Variants in UNC13C observed in about 807,000 individuals in gnomAD.
UNC13C encodes protein unc-13 homolog C.
Under a neutral mutation model 245.4 loss-of-function variants are expected in UNC13C, and 174 were observed. The observed-to-expected ratio is 0.71, with a 90% CI of 0.63 to 0.80. The LOEUF is 0.80. UNC13C is among the 30% of genes least tolerant of loss of function. UNC13C has a pLI of 0.00. For synonymous variants in UNC13C, 992 were observed against 895.1 expected (o/e 1.11, Z -1.93); for missense variants, 2,829 against 2,602.9 (o/e 1.09, Z -1.89).
intron 2 of UNC13C, among the ~76,000 whole-genome samples, chr15:54,112,189 C>T (rs979363820): frequency 4.6e-5 from 7 of 152,124 alleles, no homozygotes; most frequent in African/African-American, 1.7e-4. Context: ...GGGATAATAC[C>T]TGAGGTTCGT....
chr15:54,099,160 C>A (rs181605541), intron 2 of UNC13C, among the ~76,000 whole-genome samples: 1 of 152,214 alleles, frequency 6.6e-6, no homozygotes, highest in East Asian at 1.9e-4. Flanking sequence ...AGAGTAGAAC[C>A]AAAAGTGATA....
chr15:54,406,772 C>T (rs2040302610), intron 18 of UNC13C, among the ~76,000 whole-genome samples: 1 of 152,112 alleles, frequency 6.6e-6, no homozygotes, highest in Non-Finnish European at 1.5e-5. Context: ...CTTCTCTTTG[C>T]CCTTATCATT....
chr15:53,931,159 T>A, the UNC13C span, among the ~76,000 whole-genome samples: 14 of 152,034 alleles, frequency 9.2e-5, no homozygotes, highest in African/African-American at 2.9e-4. Flanking sequence ...TTATTTATTT[T>A]TATTTATTTA....
intron 17 of UNC13C, among the ~76,000 whole-genome samples, chr15:54,382,764 T>G (rs181343964): frequency 6.6e-6 from 1 of 152,126 alleles, no homozygotes; most frequent in Non-Finnish European, 1.5e-5. Context: ...AAAAGTTGGT[T>G]GTTCAAAGAG....
intron 17 of UNC13C, among the ~76,000 whole-genome samples, chr15:54,344,477 T>A (rs1399767696): frequency 1.3e-5 from 2 of 152,234 alleles, no homozygotes; most frequent in Non-Finnish European, 2.9e-5. Flanking sequence ...TTAGATTTTA[T>A]GCGAAATTTT....
At chr15:54,257,586 T>G (rs1026655306) in intron 8 of UNC13C, among the ~76,000 whole-genome samples, 1 of 152,184 alleles carries the variant, frequency 6.6e-6, no homozygotes, top group African/African-American at 2.4e-5. Flanking sequence ...AAGGTGGTAG[T>G]TCCTTGGGGA....
At chr15:53,906,879 G>A in the UNC13C span, among the ~76,000 whole-genome samples, 1 of 152,184 alleles carries the variant, frequency 6.6e-6, no homozygotes, top group Admixed American at 6.5e-5. Context: ...CAGGAGAGAA[G>A]AGTGAAGGAA....
At chr15:53,875,653 T>G in the UNC13C span, among the ~76,000 whole-genome samples, 2 of 152,152 alleles carry the variant, frequency 1.3e-5, no homozygotes, top group African/African-American at 4.8e-5. Flanking sequence ...AGCAGGGAAA[T>G]GGGGCCAGGT....
chr15:54,464,230 AG>A (rs1243793444), intron 19 of UNC13C, among the ~76,000 whole-genome samples: 1 of 152,122 alleles, frequency 6.6e-6, no homozygotes, highest in Non-Finnish European at 1.5e-5. Flanking sequence ...TAATTGATAC[AG>A]TTGAATCCAT....
intron 17 of UNC13C, among the ~76,000 whole-genome samples, chr15:54,390,542 T>C (rs1180844476): frequency 6.6e-6 from 1 of 152,104 alleles, no homozygotes; most frequent in Non-Finnish European, 1.5e-5. Context: ...ACTATAATTA[T>C]GATTGATTTA....
chr15:54,305,284 G>T, intron 13 of UNC13C, among the ~76,000 whole-genome samples: 1 of 151,968 alleles, frequency 6.6e-6, no homozygotes, highest in Admixed American at 6.6e-5. Flanking sequence ...GCTGATATAG[G>T]GGTCTATGTC....
At chr15:54,501,732 G>C (rs914706584) in intron 22 of UNC13C, among the ~76,000 whole-genome samples, 7 of 152,110 alleles carry the variant, frequency 4.6e-5, no homozygotes, top group Non-Finnish European at 8.8e-5. Flanking sequence ...AATCTGATGA[G>C]AGCCGAAATA....
chr15:54,408,199 C>CACAAAAAAAAAAAAAAAAAAA (rs2040342569), intron 18 of UNC13C, among the ~76,000 whole-genome samples: 1 of 29,130 alleles, frequency 3.4e-5, no homozygotes, highest in African/African-American at 8.8e-5. Flanking sequence ...GACTCTGCCT[C>CACAAAAAAAAAAAAAAAAAAA]AAAAAAAAAA....
the UNC13C span, among the ~76,000 whole-genome samples, chr15:53,972,406 T>G: frequency 3.9e-5 from 6 of 152,202 alleles, no homozygotes; most frequent in Non-Finnish European, 7.4e-5. Flanking sequence ...CCAATCATAT[T>G]AAATAAAGTG....
At chr15:54,252,529 G>T (rs7167199) in intron 8 of UNC13C, among the ~76,000 whole-genome samples, 4,016 of 152,144 alleles carry the variant, frequency 0.026, 156 homozygotes, top group African/African-American at 0.08. Flanking sequence ...TGATCAGAAA[G>T]AGGTCCTACA....
intron 30 of UNC13C, chr15:54,611,369 G>GA (rs1596672736): frequency 6.6e-6 from 1 of 151,832 alleles, no homozygotes. Flanking sequence ...GATGCAATCT[G>GA]AAAAAACACA....
intron 2 of UNC13C, among the ~76,000 whole-genome samples, chr15:54,105,560 C>A (rs1380229913): frequency 6.6e-6 from 1 of 152,102 alleles, no homozygotes; most frequent in Non-Finnish European, 1.5e-5. Context: ...GAAGTTTAAA[C>A]AGAAGTCACA....
chr15:53,849,759 C>T, the UNC13C span, among the ~76,000 whole-genome samples: 3 of 152,200 alleles, frequency 2.0e-5, no homozygotes, highest in South Asian at 6.2e-4. Context: ...GGAAGGGCAA[C>T]CCTTGTGCTT....
chr15:54,615,297 G>A (rs1900357396), intron 30 of UNC13C, among the ~76,000 whole-genome samples: 1 of 151,888 alleles, frequency 6.6e-6, no homozygotes, highest in Admixed American at 6.6e-5. Flanking sequence ...CCAAAAAGAG[G>A]GTCTGTCTTC....
Sources: allele counts gnomAD v4.1 joint callset (sites outside exome capture counted in the v4.1 genomes callset), GRCh38; gene constraint gnomAD v4.1.1; transcripts MANE v1.5; gene names NCBI Gene and HGNC (gene_info 2026-07-23, HGNC 2026-07-21).